The following CFAP74 variants were observed in gnomAD, a reference collection of about 807,000 sequenced individuals.
The protein encoded by CFAP74 is cilia- and flagella-associated protein 74.
Under a neutral mutation model 188.9 loss-of-function variants are expected in CFAP74, and 124 were observed. The observed-to-expected ratio is 0.66, with a 90% confidence interval of 0.57 to 0.76. The LOEUF is 0.76. Ranked by LOEUF, CFAP74 falls within the 30% of genes least tolerant of loss-of-function variation. The pLI, the probability that CFAP74 is intolerant of heterozygous loss-of-function variation, is 0.00. For missense variants in CFAP74, 2,198 were observed against 2,165.2 expected, an observed-to-expected ratio of 1.02 and a Z score of -0.30; for synonymous variants, 956 against 916.7, an observed-to-expected ratio of 1.04 and a Z score of -0.77.
rs762068225 is a variant in CFAP74 at position 1,968,597 on chromosome 1, G to A, written c.1245+38C>T. The A allele has an allele frequency of 1.3e-6, 2 of 1,573,696 alleles. No individual in the cohort carries two copies. Among genetic ancestry groups the A allele is most frequent in the Non-Finnish European group, 1.7e-6 (2 of 1,147,214 alleles). On this transcript the variant is annotated intron_variant, in intron 11 of 38. Coordinates refer to ENST00000682832, the MANE Select transcript of CFAP74 (RefSeq NM_001304360.2). The surrounding 1 kb of genome is among the most constrained non-coding windows in gnomAD (Gnocchi z 4.3). ...CTGAGGCCCCACCTGCCCTCCACAG[G>A]TGTGCGGCTTCTGTCTACAGGAAGG...
chr1:1,975,308 A>G lies in CFAP74; in HGVS notation c.501-1110T>C, dbSNP rs1310505430. On this transcript the variant is annotated intron_variant, in intron 6 of 38. Transcript: ENST00000682832. This position sits in a 1 kb window ranked among gnomAD's most constrained non-coding sequence, Gnocchi z 4.5. ...GAACATATGTTGAATTGAGATACTC[A>G]ATGGTTTTCTCTTTTAACGTGTTAA... is the stretch of plus-strand genomic sequence containing the variant. Among the ~76,000 whole-genome samples, 2 of 152,130 alleles carry G rather than the reference A, an allele frequency of 1.3e-5. No individual in the cohort carries two copies. Among genetic ancestry groups the G allele is most frequent in the Non-Finnish European group, 2.9e-5 (2 of 68,030 alleles).
intron 25 of CFAP74, among the ~76,000 whole-genome samples, chr1:1,933,185 CTTTT>C (rs897460590): frequency 6.8e-5 from 9 of 133,208 alleles, no homozygotes; most frequent in Admixed American, 1.5e-4. Flanking sequence ...CGTGCCTGAC[CTTTT>C]TTTTTTTTTT....
chr1:1,974,926 T>C (rs1052572986), intron 6 of CFAP74, among the ~76,000 whole-genome samples: 1 of 152,168 alleles, frequency 6.6e-6, no homozygotes, highest in Admixed American at 6.5e-5. Flanking sequence ...AGAGGCGGCC[T>C]GGAAAGAGAC....
At chr1:1,966,837 A>ATT (rs756219387) in intron 11 of CFAP74, among the ~76,000 whole-genome samples, 4,035 of 135,658 alleles carry the variant, frequency 0.03, 216 homozygotes, top group African/African-American at 0.1. Context: ...ATCTGTTCTC[A>ATT]TTTTTTTTTT....
intron 16 of CFAP74, among the ~76,000 whole-genome samples, chr1:1,957,846 G>A (rs1390716331): frequency 1.3e-5 from 2 of 152,154 alleles, no homozygotes; most frequent in African/African-American, 2.4e-5. Flanking sequence ...CCAAGAGCCC[G>A]CACAGCCGAG....
chr1:1,972,893 G>A (rs755454808), intron 8 of CFAP74, 44 bp downstream of exon 8: 117 of 1,213,860 alleles, frequency 9.6e-5, no homozygotes, highest in Middle Eastern at 3.8e-4. Flanking sequence ...CAAGTGACCC[G>A]TATTCTTGGG....
chr1:1,992,812 A>C (rs1361394815), intron 1 of CFAP74, among the ~76,000 whole-genome samples: 2 of 152,036 alleles, frequency 1.3e-5, no homozygotes, highest in Non-Finnish European at 2.9e-5. Flanking sequence ...TTATCATTAC[A>C]CTTTGCTTAT....
intron 22 of CFAP74, among the ~76,000 whole-genome samples, chr1:1,940,885 C>T (rs559752793): frequency 1.3e-5 from 2 of 151,860 alleles, no homozygotes; most frequent in African/African-American, 2.4e-5. Context: ...GGCTGAGGCG[C>T]GCGGATCACG....
chr1:1,927,626 T>G lies in CFAP74; in HGVS notation c.3508A>C (p.Lys1170Gln), dbSNP rs904347342. The G allele has an allele frequency of 6.5e-7, 1 of 1,550,062 alleles. No homozygotes were observed. The highest frequency in any genetic ancestry group is 2.0e-5 in the Admixed American group (1 of 50,998). Residue 1170 changes from lysine to glutamine, a missense_variant, in exon 28 of 39, where the codon AAG (lysine) becomes CAG (glutamine). Physicochemically the swap from Lys to Gln is moderately conservative, Grantham distance 53. Coordinates refer to ENST00000682832, the MANE Select transcript of CFAP74 (RefSeq NM_001304360.2). ...ACCCACCTGGGCCTCAGCTCCCGCT[T>G]CCGCATCTCCAGGACGTGGGGGACA... Reference protein sequence around the residue: ...VSVPHVLEMRKRELRPSSDEY... With the variant: ...VSVPHVLEMRQRELRPSSDEY...
intron 28 of CFAP74, chr1:1,927,349 G>A (rs1651988830): frequency 3.5e-6 from 2 of 571,964 alleles, no homozygotes; most frequent in Non-Finnish European, 6.2e-6. Flanking sequence ...CTGCACCCGG[G>A]GGGCTGGGTG....
At chr1:1,987,980 A>G (rs1459600042) in intron 4 of CFAP74, 4 of 374,282 alleles carry the variant, frequency 1.1e-5, no homozygotes, top group African/African-American at 8.6e-5. Flanking sequence ...TCAGTTTTTT[A>G]TTTTTAGAGA....
In CFAP74 at chr1:1,930,343, G is replaced by A; in HGVS notation, c.3012-7C>T. 1 of 1,514,300 alleles carries A rather than the reference G, an allele frequency of 6.6e-7. No homozygotes were observed. 93.8% of individuals were successfully genotyped at this position (1,514,300 alleles called of 1,614,324 possible). The stretch of plus-strand genomic sequence containing the variant: ...GCAAGACAGCTTGAAGCACCTGCAA[G>A]CAGCAGCATGGGAGGCCCTCAGCCG... On this transcript the variant is annotated splice_polypyrimidine_tract_variant and splice_region_variant and intron_variant, in intron 25 of 38. Transcript: ENST00000682832.
In CFAP74 at chr1:1,923,257, G is replaced by C. The variant is rs1651533457; in HGVS notation, c.4522+110C>G. On this transcript the variant is annotated intron_variant, in intron 36 of 38. Transcript: ENST00000682832. This position sits in a 1 kb window ranked among gnomAD's most constrained non-coding sequence, Gnocchi z 6.3. ...AGTGGCTGTCCTGCTTGGCTCTGGG[G>C]TAGAAGGCTGGGAATCCCTGCCCTG... is the stretch of plus-strand genomic sequence containing the variant. The C allele has an allele frequency of 6.7e-7, 1 of 1,493,536 alleles. No homozygotes were observed. 92.5% of individuals were successfully genotyped at this position (1,493,536 alleles called of 1,614,324 possible). A position where few individuals can be genotyped will look rare whatever the true frequency, so the allele number is the denominator to read the frequency against.
At chr1:1,938,636 C>T (rs1422390301) in intron 25 of CFAP74, among the ~76,000 whole-genome samples, 1 of 152,216 alleles carries the variant, frequency 6.6e-6, no homozygotes, top group Non-Finnish European at 1.5e-5. Flanking sequence ...CACACAAACA[C>T]ACACGTCTGA....
rs571374143 is a variant in CFAP74, at chr1:1,926,326, G to A, written c.3850C>T (p.Pro1284Ser). ...TTCAGCAGGACAAAGGGGCCGTTGGGGTTCAGCAGGGAGAAGTCCAGCTGA... is the reference window on the plus strand; with the variant it reads ...TTCAGCAGGACAAAGGGGCCGTTGGAGTTCAGCAGGGAGAAGTCCAGCTGA... ...DLALDFSLLN[P>S]NGPFVLLNHS... Residue 1284 changes from proline to serine, a missense_variant, in exon 32 of 39, where the codon CCC becomes TCC. Coordinates refer to ENST00000682832, the MANE Select transcript of CFAP74 (RefSeq NM_001304360.2). 1,419 of 1,548,102 alleles carry A rather than the reference G, an allele frequency of 9.2e-4. 17 individuals are homozygous for A. In the African/African-American group the frequency reaches 0.017, roughly 18 times the overall value.
intron 33 of CFAP74, among the ~76,000 whole-genome samples, chr1:1,924,961 C>A (rs1376294638): frequency 6.6e-6 from 1 of 152,272 alleles, no homozygotes; most frequent in East Asian, 1.9e-4. Flanking sequence ...CCCGGACCCA[C>A]ACTCGTGCGA....
In CFAP74 at chr1:1,942,011, G is replaced by C. The variant is rs1653410802; in HGVS notation, c.2615+17C>G. 1 of 1,479,188 alleles carries C rather than the reference G, an allele frequency of 6.8e-7. No individual in the cohort carries two copies. The allele number at this position is 1,479,188 out of a possible 1,614,324, so 91.6% of individuals were successfully genotyped here. On this transcript the variant is annotated intron_variant, in intron 22 of 38. Transcript: ENST00000682832. This position sits in a 1 kb window ranked among gnomAD's most constrained non-coding sequence, Gnocchi z 4.3. ...TCCCACGTCCTCCTGTCCCGGCCTTGGCGTCCTGGCACCTACCGCGGCAGG... is the reference window on the plus strand; with the variant it reads ...TCCCACGTCCTCCTGTCCCGGCCTTCGCGTCCTGGCACCTACCGCGGCAGG...
chr1:1,970,570 G>A (rs1655879421), intron 10 of CFAP74, 89 bp downstream of exon 10: 2 of 1,410,538 alleles, frequency 1.4e-6, no homozygotes, highest in East Asian at 2.5e-5. Flanking sequence ...GAGCAGCTTT[G>A]CTCAATGTGA....
chr1:1,927,539 G>C, intron 28 of CFAP74, 68 bp downstream of exon 28: 1 of 1,435,956 alleles, frequency 7.0e-7, no homozygotes, highest in African/African-American at 1.4e-5. Context: ...GGACTCTACA[G>C]GGGCCACAGT....
Sources: allele counts gnomAD v4.1 joint callset (sites outside exome capture counted in the v4.1 genomes callset), GRCh38; gene constraint gnomAD v4.1.1; non-coding constraint Gnocchi (gnomAD v3.1); transcripts MANE v1.5; gene names NCBI Gene and HGNC (gene_info 2026-07-23, HGNC 2026-07-21).